LMTK2: variants seen among roughly 807,000 people sequenced by gnomAD.
The protein encoded by LMTK2 is serine/threonine-protein kinase LMTK2.
A neutral mutation model predicts 127.5 loss-of-function variants in LMTK2; 37 were observed. The ratio of observed to expected loss-of-function variants is 0.29; its 90% CI spans 0.22 to 0.38. The LOEUF is 0.38. LMTK2 is among the 10% of genes least tolerant of loss of function. The probability of loss-of-function intolerance (pLI) is 1.00; values close to 1 mark genes in which losing one functional copy is unlikely to be tolerated. For synonymous variants in LMTK2, 819 were observed against 810.1 expected, an observed-to-expected ratio of 1.01 and a Z score of -0.19; for missense variants, 1,694 against 1,920.3, an observed-to-expected ratio of 0.88 and a Z score of 2.20.
chr7:98,199,261 C>T (rs1797674292), intron 11 of LMTK2, among the ~76,000 whole-genome samples: 1 of 152,050 alleles, frequency 6.6e-6, no homozygotes, highest in Non-Finnish European at 1.5e-5. Flanking sequence ...CTGTCATTGC[C>T]GATTTTTCTG....
At chr7:98,143,660 C>T (rs1796729408) in intron 3 of LMTK2, among the ~76,000 whole-genome samples, 1 of 152,194 alleles carries the variant, frequency 6.6e-6, no homozygotes, top group Admixed American at 6.5e-5. Context: ...CAGGCAGTCT[C>T]ATCCACTAGG....
chr7:98,154,933 G>A (rs550732338), intron 5 of LMTK2, 57 bp downstream of exon 5: 5 of 1,026,172 alleles, frequency 4.9e-6, no homozygotes, highest in South Asian at 3.9e-5. Context: ...TTGAAGGTCA[G>A]GTGTTTAAAA....
Position 98,154,770 on chromosome 7 carries a change from G to A in LMTK2, c.463G>A (p.Glu155Lys), listed in dbSNP as rs771690258. 1.4e-5 allele frequency: 22 copies of A among 1,609,654 alleles called. No homozygotes were observed. Among genetic ancestry groups the A allele is most frequent in the Admixed American group, 6.7e-5 (4 of 59,784 alleles). ...NGWFGKVLLGEIYTGTSVARV... is the reference protein window; with the variant it reads ...NGWFGKVLLGKIYTGTSVARV... ...TCTTTGATTTTAGGTTCTCTTGGGA[G>A]AGATTTACACGGGCACTAGCGTAGC... Residue 155 changes from glutamate (E) to lysine (K), a missense_variant, in exon 5 of 14, where the codon GAG (glutamate) becomes AAG (lysine). Around this residue, in one of 8 missense-constraint regions of LMTK2, gnomAD observed 203 missense variants for 226.2 expected, o/e 0.90. Transcript: ENST00000297293.
chr7:98,154,338 A>G (rs1465761210), intron 4 of LMTK2, among the ~76,000 whole-genome samples: 1 of 152,196 alleles, frequency 6.6e-6, no homozygotes, highest in Non-Finnish European at 1.5e-5. Context: ...TTACTTTCTC[A>G]TATGTATAGC....
intron 2 of LMTK2, among the ~76,000 whole-genome samples, chr7:98,138,177 A>G (rs1656852790): frequency 6.6e-6 from 1 of 151,714 alleles, no homozygotes; most frequent in Non-Finnish European, 1.5e-5. Flanking sequence ...CATGGGGGGG[A>G]GAAGGAAGGA....
At chr7:98,123,074 A>G (rs1248901813) in intron 1 of LMTK2, among the ~76,000 whole-genome samples, 1 of 152,166 alleles carries the variant, frequency 6.6e-6, no homozygotes, top group African/African-American at 2.4e-5. Context: ...TCATAAAAAT[A>G]GTGAATCCCT....
chr7:98,111,631 G>A (rs1796202719), intron 1 of LMTK2, among the ~76,000 whole-genome samples: 1 of 152,104 alleles, frequency 6.6e-6, no homozygotes, highest in Non-Finnish European at 1.5e-5. Context: ...GGTTGTGGGG[G>A]GCACAGTGGT....
chr7:98,194,240 C>T lies in LMTK2; in HGVS notation c.3775C>T (p.Pro1259Ser). 1 of 1,614,104 alleles carries T rather than the reference C, an allele frequency of 6.2e-7. No homozygotes were observed. The highest frequency in any genetic ancestry group is 8.5e-7 in the Non-Finnish European group (1 of 1,180,024). Residue 1259 changes from proline (P) to serine (S), a missense_variant, in exon 11 of 14, where the codon CCG becomes TCG. Transcript: ENST00000297293. This position sits in a 1 kb window ranked among gnomAD's most constrained non-coding sequence, Gnocchi z 5.4. ...SHSEGPKLKE[P>S]DIEGKYLGKL... is the part of the protein sequence containing the mutation. Reference sequence around the variant, plus strand: ...CTCCGAGGGCCCGAAGTTGAAGGAGCCGGACATCGAAGGGAAGTACCTGGG... The same window carrying T: ...CTCCGAGGGCCCGAAGTTGAAGGAGTCGGACATCGAAGGGAAGTACCTGGG...
At chr7:98,141,225 A>AT (rs1461370299) in intron 2 of LMTK2, among the ~76,000 whole-genome samples, 172 bp from the exon 3 acceptor site, 5 of 152,148 alleles carry the variant, frequency 3.3e-5, no homozygotes, top group African/African-American at 1.2e-4. Flanking sequence ...TTCCTGTCTT[A>AT]TGTATTCTGC....
chr7:98,175,526 C>A (rs1318371799), intron 7 of LMTK2, among the ~76,000 whole-genome samples: 1 of 152,168 alleles, frequency 6.6e-6, no homozygotes, highest in South Asian at 2.1e-4. Flanking sequence ...TGTGCACGTG[C>A]GTGCATGTTT....
At position 98,193,526 on chromosome 7, in the gene LMTK2, C is replaced by T; in HGVS notation, c.3061C>T (p.Leu1021=). 6.2e-7 allele frequency: 1 copy of T among 1,614,158 alleles called. No individual in the cohort carries two copies. Among genetic ancestry groups the T allele is most frequent in the Non-Finnish European group, 8.5e-7 (1 of 1,180,036 alleles). ...DSLGSHTPQK[L]VPPDKPADSG... is the part of the protein sequence containing the mutation. The stretch of plus-strand genomic sequence containing the variant: ...TTTAGGATCTCACACTCCCCAGAAA[C>T]TAGTGCCCCCCGATAAGCCGGCAGA... The change falls in exon 11 of 14, where the codon CTA becomes TTA. Residue 1021 remains leucine (L), a synonymous_variant. Transcript: ENST00000297293. This position sits in a 1 kb window ranked among gnomAD's most constrained non-coding sequence, Gnocchi z 4.1.
intron 4 of LMTK2, among the ~76,000 whole-genome samples, chr7:98,152,790 G>A (rs1040116981): frequency 6.6e-5 from 10 of 152,170 alleles, no homozygotes; most frequent in African/African-American, 2.4e-4. Context: ...CACTCTGGAA[G>A]TCATAGAGGG....
Position 98,140,279 on chromosome 7 carries a change from T to G in LMTK2, c.232-1118T>G, listed in dbSNP as rs955772767. 3.3e-5 allele frequency among the ~76,000 whole-genome samples: 5 copies of G among 151,718 alleles called. No homozygotes were observed. In the South Asian group the frequency reaches 1.1e-3, roughly 32 times the overall value. On this transcript the variant is annotated intron_variant, in intron 2 of 13. Coordinates refer to ENST00000297293, the MANE Select transcript of LMTK2 (RefSeq NM_014916.4). ...CCTCAGCCTCCTGAGTAGCCAGGACTACTCCAGTAGTCCTGCGCCACCATG... is the reference window on the plus strand; with the variant it reads ...CCTCAGCCTCCTGAGTAGCCAGGACGACTCCAGTAGTCCTGCGCCACCATG...
At chr7:98,109,539 T>A (rs1339762614) in intron 1 of LMTK2, among the ~76,000 whole-genome samples, 1 of 151,486 alleles carries the variant, frequency 6.6e-6, no homozygotes, top group Non-Finnish European at 1.5e-5. Flanking sequence ...AGGTCAGGAG[T>A]TCGAGACCAG....
At chr7:98,204,787 C>T (rs1797764535) in intron 13 of LMTK2, among the ~76,000 whole-genome samples, 1 of 152,246 alleles carries the variant, frequency 6.6e-6, no homozygotes, top group Non-Finnish European at 1.5e-5. Flanking sequence ...CGCGCCATCT[C>T]CTCTTTTTCT....
chr7:98,167,246 G>C (rs140898199), intron 6 of LMTK2, among the ~76,000 whole-genome samples: 4 of 152,292 alleles, frequency 2.6e-5, no homozygotes, highest in African/African-American at 9.6e-5. Context: ...AACACATGCT[G>C]TGTGCCCAGC....
chr7:98,126,953 C>A (rs1191724649), intron 1 of LMTK2, among the ~76,000 whole-genome samples: 1 of 152,168 alleles, frequency 6.6e-6, no homozygotes, highest in African/African-American at 2.4e-5. Flanking sequence ...TGAACGAGAT[C>A]ATCAGTGCAC....
At chr7:98,167,895 C>T (rs528457162) in intron 6 of LMTK2, among the ~76,000 whole-genome samples, 4 of 152,184 alleles carry the variant, frequency 2.6e-5, no homozygotes, top group East Asian at 3.9e-4. Context: ...TAAGAAGAAA[C>T]GCAGGAGGTT....
At chr7:98,165,955 G>T (rs1797091453) in intron 6 of LMTK2, among the ~76,000 whole-genome samples, 1 of 152,034 alleles carries the variant, frequency 6.6e-6, no homozygotes, top group East Asian at 1.9e-4. Context: ...GAGGTGTGGG[G>T]GTGATTGGGT....
Sources: gnomAD v4.1 joint callset for allele counts (sites outside exome capture counted in the v4.1 genomes callset) on GRCh38, gnomAD v4.1.1 for gene constraint, gnomAD v4.1.1 regional missense constraint, Gnocchi (gnomAD v3.1) non-coding constraint, MANE v1.5 for transcripts, NCBI Gene and HGNC (gene_info 2026-07-23, HGNC 2026-07-21) for gene names.